KAZN: variants seen among roughly 807,000 people sequenced by gnomAD.
KAZN encodes kazrin.
In KAZN, 40 loss-of-function variants were observed where a neutral mutation model predicts 87.4. That is an observed-to-expected ratio of 0.46 (90% CI 0.36 to 0.60). The LOEUF is 0.60. Among genes scored for constraint, KAZN ranks in the 20% least tolerant of loss-of-function variants. The pLI, the probability that KAZN is intolerant of heterozygous loss-of-function variation, is 0.00. For missense variants in KAZN, 898 were observed against 1,073.9 expected (o/e 0.84, Z 2.29); for synonymous variants, 466 against 458.3 (o/e 1.02, Z -0.22).
At chr1:14,861,266 C>G (rs1013443197) in intron 1 of KAZN, among the ~76,000 whole-genome samples, 1 of 152,160 alleles carries the variant, frequency 6.6e-6, no homozygotes, top group Non-Finnish European at 1.5e-5. Context: ...GTAGTCCCCC[C>G]TACTTGGGAG....
chr1:14,849,420 C>T (rs1298854898), intron 1 of KAZN, among the ~76,000 whole-genome samples: 2 of 152,180 alleles, frequency 1.3e-5, no homozygotes, highest in Non-Finnish European at 2.9e-5. Flanking sequence ...CCGGGCTCTG[C>T]ACTGAGCACA....
chr1:15,030,636 C>A (rs1256574978), intron 2 of KAZN, among the ~76,000 whole-genome samples: 2 of 152,224 alleles, frequency 1.3e-5, no homozygotes, highest in Non-Finnish European at 2.9e-5. Context: ...GGGGGCAGGG[C>A]ACAAAACTAG....
intron 2 of KAZN, among the ~76,000 whole-genome samples, chr1:14,384,847 G>A (rs536733423): frequency 1.8e-3 from 266 of 151,868 alleles, no homozygotes; most frequent in African/African-American, 5.9e-3. Flanking sequence ...AGTTAGGGAG[G>A]AATCCCTCTT....
chr1:14,793,723 T>G (rs1160159982), intron 1 of KAZN, among the ~76,000 whole-genome samples: 3 of 150,898 alleles, frequency 2.0e-5, no homozygotes, highest in African/African-American at 7.4e-5. Flanking sequence ...CTAGTTTGTA[T>G]TTGGAAGCCA....
intron 2 of KAZN, among the ~76,000 whole-genome samples, chr1:14,484,697 A>G (rs76787454): frequency 0.036 from 5,483 of 152,234 alleles, 132 homozygotes; most frequent in Admixed American, 0.053. Context: ...GCGCATTCAC[A>G]TGGCTGCGGT....
chr1:14,448,157 C>T (rs943734626), intron 2 of KAZN, among the ~76,000 whole-genome samples: 9 of 152,198 alleles, frequency 5.9e-5, no homozygotes, highest in African/African-American at 2.2e-4. Context: ...GGACATCTCC[C>T]CTTTCAATCT....
intron 2 of KAZN, among the ~76,000 whole-genome samples, chr1:14,982,754 C>A (rs1032345516): frequency 1.4e-4 from 21 of 152,174 alleles, no homozygotes; most frequent in African/African-American, 5.1e-4. Context: ...GGGATCCAGG[C>A]CCCTGTGTCA....
In KAZN at chr1:14,916,170, C is replaced by CTTTTTT. The variant is rs71307000; in HGVS notation, c.227-44500_227-44495dup. ...TATTTGTAGTATTTTCACTGTTGTTCTTTTTTTTTTTTTTTTTTTGACAGA... is the reference window on the plus strand; with the variant it reads ...TATTTGTAGTATTTTCACTGTTGTTCTTTTTTTTTTTTTTTTTTTTTTTTTGACAGA... On this transcript the variant is annotated intron_variant, in intron 1 of 14. Coordinates refer to ENST00000376030, the MANE Select transcript of KAZN (RefSeq NM_201628.3). 1.2e-3 allele frequency among the ~76,000 whole-genome samples: 137 copies of CTTTTTT among 113,568 alleles called. 3 individuals carry two copies. The highest frequency in any genetic ancestry group is 1.5e-3 in the African/African-American group (44 of 28,758). The allele number at this position is 113,568 out of a possible 152,430, so 74.5% of individuals were successfully genotyped here.
At chr1:14,245,836 C>T (rs1649450508) in intron 2 of KAZN, among the ~76,000 whole-genome samples, 1 of 152,062 alleles carries the variant, frequency 6.6e-6, no homozygotes, top group Non-Finnish European at 1.5e-5. Context: ...TGGGTATATA[C>T]CCAAAGGAAT....
chr1:14,200,090 G>T (rs1646607970), intron 2 of KAZN, among the ~76,000 whole-genome samples: 1 of 151,926 alleles, frequency 6.6e-6, no homozygotes, highest in South Asian at 2.1e-4. Flanking sequence ...ATGTAGTCTT[G>T]TTTTTGTTGT....
intron 2 of KAZN, among the ~76,000 whole-genome samples, chr1:14,430,674 A>T (rs1353611927): frequency 6.6e-6 from 1 of 152,208 alleles, no homozygotes; most frequent in East Asian, 1.9e-4. Context: ...GGATAATCAC[A>T]TGTTCCCTTG....
At chr1:14,960,972 G>A (rs1663788388) in intron 2 of KAZN, 97 bp downstream of exon 2, 1 of 1,313,896 alleles carries the variant, frequency 7.6e-7, no homozygotes, top group East Asian at 2.5e-5. Context: ...GATGGACACA[G>A]GGGTCTCCCA....
rs1467135718 is a variant in KAZN at position 14,128,372 on chromosome 1, A to G, written c.92-52063A>G. Among the ~76,000 whole-genome samples, 3 of 151,770 alleles carry G rather than the reference A, an allele frequency of 2.0e-5. No homozygotes were observed. In the East Asian group the frequency reaches 5.8e-4, roughly 30 times the overall value. ...GCTGTGTTAGTTTGCTAGGACTGCC[A>G]TAGTGATCCTACAGACTGGGTGGCT... On this transcript the variant is annotated intron_variant, in intron 1 of 16. Transcript: ENST00000636203.
At chr1:14,231,737 T>G (rs1039640155) in intron 2 of KAZN, among the ~76,000 whole-genome samples, 1 of 152,228 alleles carries the variant, frequency 6.6e-6, no homozygotes, top group African/African-American at 2.4e-5. Flanking sequence ...TTATTACACC[T>G]GAATGAGTTA....
At chr1:13,928,255 G>A (rs6661262) in intron 1 of KAZN, among the ~76,000 whole-genome samples, 77,436 of 151,982 alleles carry the variant, frequency 0.51, 20,091 homozygotes, top group Admixed American at 0.59. Context: ...TGGAGATCCC[G>A]TTGTGTTACT....
intron 2 of KAZN, among the ~76,000 whole-genome samples, chr1:14,352,849 T>C (rs1304876008): frequency 6.6e-6 from 1 of 152,226 alleles, no homozygotes; most frequent in Non-Finnish European, 1.5e-5. Flanking sequence ...ATTCCAGGAA[T>C]GCAAGGTTTA....
intron 1 of KAZN, among the ~76,000 whole-genome samples, chr1:14,001,950 TC>T (rs1202196364): frequency 6.6e-6 from 1 of 152,150 alleles, no homozygotes; most frequent in Non-Finnish European, 1.5e-5. Context: ...GGCAATGACC[TC>T]ATAATCAAAA....
chr1:14,672,736 A>G (rs1190835509), intron 1 of KAZN, among the ~76,000 whole-genome samples: 2 of 152,202 alleles, frequency 1.3e-5, no homozygotes, highest in Admixed American at 6.5e-5. Context: ...ACCCCATTGC[A>G]GGATTGCTTT....
At chr1:14,131,481 A>C (rs1394605888) in intron 1 of KAZN, among the ~76,000 whole-genome samples, 2 of 152,194 alleles carry the variant, frequency 1.3e-5, no homozygotes, top group Non-Finnish European at 2.9e-5. Flanking sequence ...AACTTAGTGT[A>C]GAAGGAGAAA....
Sources: gnomAD v4.1 joint callset for allele counts (sites outside exome capture counted in the v4.1 genomes callset) on GRCh38, gnomAD v4.1.1 for gene constraint, MANE v1.5 for transcripts, NCBI Gene and HGNC (gene_info 2026-07-23, HGNC 2026-07-21) for gene names.